The following C18orf63 variants were observed in gnomAD, a reference collection of about 807,000 sequenced individuals.
C18orf63 encodes uncharacterized protein C18orf63.
Under a neutral mutation model 75.3 loss-of-function variants are expected in C18orf63, and 50 were observed. That is an observed-to-expected ratio of 0.66 (90% CI 0.53 to 0.84). The LOEUF (loss-of-function observed/expected upper bound fraction) is 0.84. Ranked by LOEUF, C18orf63 falls within the 40% of genes least tolerant of loss-of-function variation. The pLI is 0.00. For missense variants in C18orf63, 732 were observed against 800.2 expected (o/e 0.91, Z 1.03); for synonymous variants, 232 against 267.6 (o/e 0.87, Z 1.30).
At position 74,359,042 on chromosome 18, in the gene C18orf63, G is replaced by A. The variant is rs957842364; in HGVS notation, c.*2595G>A. The A allele has an allele frequency of 2.0e-5, 3 of 152,012 alleles. No homozygotes were observed. Among genetic ancestry groups the A allele is most frequent in the African/African-American group, 7.2e-5 (3 of 41,390 alleles). 9.4% of individuals were successfully genotyped at this position (152,012 alleles called of 1,614,324 possible). A position where few individuals can be genotyped will look rare whatever the true frequency, so the allele number is the denominator to read the frequency against. On this transcript the variant is annotated 3_prime_UTR_variant, in exon 14 of 14. Transcript: ENST00000579455. ...TATGCTGAAACTGCTAATATATTGG[G>A]TATTTATTGATACTTAGGAATAGTC... is the stretch of plus-strand genomic sequence containing the variant.
At chr18:74,355,676 T>C (rs1156409339) in intron 13 of C18orf63, among the ~76,000 whole-genome samples, 1 of 151,820 alleles carries the variant, frequency 6.6e-6, no homozygotes, top group Non-Finnish European at 1.5e-5. Context: ...TTCCAGCATT[T>C]TGGGAGGCTG....
rs187283938 is a variant in C18orf63 at position 74,350,560 on chromosome 18, C to T, written c.979-2686C>T. Among the ~76,000 whole-genome samples the T allele has an allele frequency of 2.0e-5, 3 of 152,244 alleles. No individual in the cohort carries two copies. The East Asian group carries it at 5.8e-4, about 29-fold the overall frequency. ...CAGGCCCGGAACAGATCCTTTCCTCCTGGCCCTCTGAAGGAACCAGCCCTG... is the reference window on the plus strand; with the variant it reads ...CAGGCCCGGAACAGATCCTTTCCTCTTGGCCCTCTGAAGGAACCAGCCCTG... On this transcript the variant is annotated intron_variant, in intron 11 of 13. Transcript: ENST00000579455.
chr18:74,330,840 T>C (rs1235985987), intron 6 of C18orf63, 26 bp from the exon 7 acceptor site: 1 of 866,532 alleles, frequency 1.2e-6, no homozygotes, highest in Non-Finnish European at 1.8e-6. Flanking sequence ...TTCCAGGTAG[T>C]TCACAGTTAA....
chr18:74,348,627 A>G (rs1031165656), intron 11 of C18orf63, among the ~76,000 whole-genome samples: 3 of 150,412 alleles, frequency 2.0e-5, no homozygotes, highest in African/African-American at 7.2e-5. Flanking sequence ...TTAAAATTCA[A>G]CCAAGTTGCA....
intron 12 of C18orf63, 54 bp from the exon 13 acceptor site, chr18:74,354,403 C>T: frequency 7.9e-7 from 1 of 1,266,046 alleles, no homozygotes; most frequent in Non-Finnish European, 1.1e-6. Context: ...CCTAGAGCGA[C>T]TGTAAGTCTA....
intron 12 of C18orf63, 92 bp from the exon 13 acceptor site, chr18:74,354,365 C>G: frequency 7.9e-7 from 1 of 1,261,072 alleles, no homozygotes; most frequent in Non-Finnish European, 1.1e-6. Context: ...CATTTAGAAC[C>G]ATACTAATTA....
intron 7 of C18orf63, 35 bp from the exon 8 acceptor site, chr18:74,338,671 TGCCAAATGA>T (rs1240970194): frequency 3.7e-6 from 3 of 805,276 alleles, no homozygotes; most frequent in Admixed American, 7.2e-5. Flanking sequence ...TTTCCTTTTT[TGCCAAATGA>T]TTTGAGGACT....
intron 4 of C18orf63, 99 bp from the exon 5 acceptor site, chr18:74,327,848 G>T (rs1599002223): frequency 2.8e-6 from 2 of 702,224 alleles, no homozygotes; most frequent in South Asian, 1.7e-5. Context: ...ACCCGAGTTT[G>T]TTGGGTGGTG....
At chr18:74,348,095 C>T (rs528459473) in intron 11 of C18orf63, among the ~76,000 whole-genome samples, 3 of 152,184 alleles carry the variant, frequency 2.0e-5, no homozygotes, top group South Asian at 2.1e-4. Context: ...CTCACACAGA[C>T]TTATTTTTAG....
intron 4 of C18orf63, among the ~76,000 whole-genome samples, chr18:74,326,650 G>T (rs1207191519): frequency 6.6e-6 from 1 of 152,160 alleles, no homozygotes; most frequent in African/African-American, 2.4e-5. Context: ...AGAAGCTGGG[G>T]AAATCCTAGG....
At chr18:74,336,466 A>G (rs1984393027) in intron 7 of C18orf63, among the ~76,000 whole-genome samples, 1 of 151,896 alleles carries the variant, frequency 6.6e-6, no homozygotes, top group Non-Finnish European at 1.5e-5. Flanking sequence ...TCTTGAAATA[A>G]TCTCCTCTCT....
chr18:74,318,041 A>G lies in C18orf63; in HGVS notation c.134+42A>G, dbSNP rs1599283769. The G allele has an allele frequency of 3.8e-6, 5 of 1,325,568 alleles. No individual in the cohort carries two copies. In the East Asian group the frequency reaches 1.3e-4, roughly 36 times the overall value. The allele number at this position is 1,325,568 out of a possible 1,614,324, so 82.1% of individuals were successfully genotyped here. A position where few individuals can be genotyped will look rare whatever the true frequency, so the allele number is the denominator to read the frequency against. On this transcript the variant is annotated intron_variant, in intron 2 of 13. Transcript: ENST00000579455. ...TATAACTAAGACTTTTAAAACTTTG[A>G]GACCTATAAAAGCTGTTTTAGAGGA...
chr18:74,322,928 AGAG>A (rs1263351820), intron 4 of C18orf63, among the ~76,000 whole-genome samples, 174 bp downstream of exon 4: 20 of 152,346 alleles, frequency 1.3e-4, no homozygotes, highest in Non-Finnish European at 2.4e-4. Context: ...TAGTGCAGAA[AGAG>A]GAGAAGAGGC....
intron 13 of C18orf63, among the ~76,000 whole-genome samples, chr18:74,356,088 T>C (rs1221925501): frequency 6.6e-6 from 1 of 152,158 alleles, no homozygotes; most frequent in East Asian, 1.9e-4. Context: ...TTTAAAATAA[T>C]TTCATCAGGT....
chr18:74,340,019 C>T (rs139269041), intron 8 of C18orf63, among the ~76,000 whole-genome samples: 40 of 152,184 alleles, frequency 2.6e-4, no homozygotes, highest in African/African-American at 9.4e-4. Flanking sequence ...GGTTACATCA[C>T]TGAAAAGCTT....
intron 4 of C18orf63, among the ~76,000 whole-genome samples, chr18:74,323,318 A>G (rs1431347859): frequency 2.0e-5 from 3 of 152,158 alleles, no homozygotes; most frequent in African/African-American, 7.2e-5. Flanking sequence ...TCCTAAGTCT[A>G]GTAGAGTTTG....
intron 1 of C18orf63, among the ~76,000 whole-genome samples, chr18:74,317,268 C>T (rs2145111970): frequency 6.6e-6 from 1 of 152,268 alleles, no homozygotes; most frequent in East Asian, 1.9e-4. Flanking sequence ...GTAATGTAGA[C>T]TTCAAAGGTA....
chr18:74,342,392 C>A, intron 10 of C18orf63, 66 bp downstream of exon 10: 1 of 914,100 alleles, frequency 1.1e-6, no homozygotes, highest in Non-Finnish European at 1.7e-6. Context: ...TTTGCTCCCA[C>A]TCTCATGTCA....
chr18:74,319,007 T>C (rs886429840), intron 2 of C18orf63, among the ~76,000 whole-genome samples: 5 of 152,178 alleles, frequency 3.3e-5, no homozygotes, highest in Non-Finnish European at 5.9e-5. Flanking sequence ...GGGGTGTCCT[T>C]CATTTTCGTC....
Sources: allele counts gnomAD v4.1 joint callset (sites outside exome capture counted in the v4.1 genomes callset), GRCh38; gene constraint gnomAD v4.1.1; transcripts MANE v1.5; gene names NCBI Gene and HGNC (gene_info 2026-07-23, HGNC 2026-07-21).